The following MID2 variants were observed in gnomAD, a reference collection of about 807,000 sequenced individuals.
MID2 encodes the protein probable E3 ubiquitin-protein ligase MID2.
A neutral mutation model predicts 46.1 loss-of-function variants in MID2; 13 were observed. The observed-to-expected ratio is 0.28, with a 90% CI of 0.18 to 0.45. MID2 has a LOEUF of 0.45. Ranked by LOEUF, MID2 falls within the 20% of genes least tolerant of loss-of-function variation. The pLI, the probability that MID2 is intolerant of heterozygous loss-of-function variation, is 1.00. For synonymous variants in MID2, 199 were observed against 212.3 expected (o/e 0.94, Z 0.55); for missense variants, 431 against 575.4 (o/e 0.75, Z 2.57).
At chrX:107,834,421 C>T (rs1049447757) in intron 1 of MID2, among the ~76,000 whole-genome samples, 9 of 111,850 alleles carry the variant, frequency 8.0e-5, no homozygotes, top group East Asian at 5.6e-4. Context: ...TTCAAGATTA[C>T]CTGTCATTGA....
At chrX:107,866,378 T>C (rs1328954552) in intron 3 of MID2, among the ~76,000 whole-genome samples, 1 of 108,697 alleles carries the variant, frequency 9.2e-6, no homozygotes, top group African/African-American at 3.4e-5. Context: ...GCTTTCGTAC[T>C]CCATTTCTGT....
chrX:107,894,548 T>G (rs1479690643), intron 3 of MID2: 1 of 111,964 alleles, frequency 8.9e-6, no homozygotes, highest in Non-Finnish European at 1.9e-5. Flanking sequence ...GAAAGAGAAA[T>G]TTGTCTCATG....
chrX:107,871,027 C>T (rs1432430544), intron 3 of MID2, among the ~76,000 whole-genome samples: 1 of 110,060 alleles, frequency 9.1e-6, no homozygotes, highest in Non-Finnish European at 1.9e-5. Flanking sequence ...TGTCCTTTTC[C>T]AGTTTCTTAA....
intron 3 of MID2, among the ~76,000 whole-genome samples, chrX:107,867,451 G>A (rs1931982724): frequency 9.1e-6 from 1 of 110,207 alleles, no homozygotes; most frequent in Non-Finnish European, 1.9e-5. Context: ...ATGAGCCACC[G>A]CGCCCGGCCT....
rs1053171486 is a variant in MID2 at position 107,930,151 on chromosome X, A to G, written c.*3078A>G. On this transcript the variant is annotated 3_prime_UTR_variant, in exon 10 of 10. Transcript: ENST00000262843. Reference sequence around the variant, plus strand: ...TACCTGGCACAGTGCTTGGAACATTAGCTTGGCTAATGTTTATTGAATGAA... The same window carrying G: ...TACCTGGCACAGTGCTTGGAACATTGGCTTGGCTAATGTTTATTGAATGAA... Among the ~76,000 whole-genome samples, 2 of 111,788 alleles carry G rather than the reference A, an allele frequency of 1.8e-5. No individual in the cohort carries two copies. Among genetic ancestry groups the G allele is most frequent in the Admixed American group, 9.5e-5 (1 of 10,541 alleles).
chrX:107,882,272 T>C (rs1246362235), intron 3 of MID2, among the ~76,000 whole-genome samples: 1 of 111,898 alleles, frequency 8.9e-6, no homozygotes, highest in African/African-American at 3.2e-5. Flanking sequence ...ACCTAGGCAA[T>C]ACCATTCAGG....
intron 1 of MID2, among the ~76,000 whole-genome samples, chrX:107,830,607 G>A (rs12852580): frequency 0.039 from 4,374 of 111,668 alleles, 90 homozygotes; most frequent in Middle Eastern, 0.18. Flanking sequence ...TGAAATTTTG[G>A]TACCAAGATG....
chrX:107,897,355 A>AT (rs1335763638), intron 3 of MID2, among the ~76,000 whole-genome samples: 1 of 111,182 alleles, frequency 9.0e-6, no homozygotes, highest in East Asian at 2.8e-4. Flanking sequence ...ATGTCTCAGT[A>AT]TTTTTTTTGC....
chrX:107,869,067 C>T (rs1932014743), intron 3 of MID2, among the ~76,000 whole-genome samples: 1 of 109,685 alleles, frequency 9.1e-6, no homozygotes, highest in Non-Finnish European at 1.9e-5. Context: ...TCTCCCCCTC[C>T]TCAAACTTTC....
intron 3 of MID2, among the ~76,000 whole-genome samples, chrX:107,881,109 A>AG (rs1283344860): frequency 1.1e-4 from 12 of 112,907 alleles, no homozygotes; most frequent in Non-Finnish European, 1.9e-4. Context: ...GAAATGTACA[A>AG]GGGGGCAGAT....
At chrX:107,860,187 C>T (rs1931826330) in intron 3 of MID2, among the ~76,000 whole-genome samples, 1 of 110,993 alleles carries the variant, frequency 9.0e-6, no homozygotes, top group South Asian at 3.8e-4. Context: ...GGGATACATT[C>T]AAAACATTTC....
chrX:107,913,407 A>G (rs775823268), intron 5 of MID2, among the ~76,000 whole-genome samples: 1 of 112,118 alleles, frequency 8.9e-6, no homozygotes, highest in Non-Finnish European at 1.9e-5. Flanking sequence ...AATTATTTCC[A>G]TAATAAAAAT....
chrX:107,905,620 C>T lies in MID2; in HGVS notation c.1067C>T (p.Ala356Val), dbSNP rs138552159. The T allele has an allele frequency of 8.4e-6, 10 of 1,192,858 alleles. No individual in the cohort carries two copies. The highest frequency in any genetic ancestry group is 1.1e-5 in the Non-Finnish European group (10 of 887,065). ...ARFLQSAKNI[A>V]ERVAMATASS... ...TTTCTACAGTCTGCAAAAAATATTGCTGAGAGGTCAGTTCCTTATATTCTT... is the reference window on the plus strand; with the variant it reads ...TTTCTACAGTCTGCAAAAAATATTGTTGAGAGGTCAGTTCCTTATATTCTT... Residue 356 changes from alanine (A) to valine (V), a missense_variant, in exon 5 of 10, where the codon GCT (alanine) becomes GTT (valine). Physicochemically the swap from Ala to Val is moderately conservative, Grantham distance 64. Transcript: ENST00000262843.
At chrX:107,866,983 C>T (rs1022611908) in intron 3 of MID2, among the ~76,000 whole-genome samples, 1 of 111,823 alleles carries the variant, frequency 8.9e-6, no homozygotes, top group Non-Finnish European at 1.9e-5. Flanking sequence ...ATGATTTATC[C>T]AAGGGGAGTG....
intron 3 of MID2, among the ~76,000 whole-genome samples, chrX:107,882,719 T>A (rs1325832015): frequency 3.6e-5 from 4 of 110,430 alleles, no homozygotes; most frequent in African/African-American, 1.3e-4. Flanking sequence ...GCTGGAGAGG[T>A]TGTGGAGAAA....
chrX:107,926,866 C>T lies in MID2; in HGVS notation c.2001C>T (p.Phe667=). The part of the protein sequence containing the change: ...LLDYDNNMLS[F]YDPANSLHLH... The stretch of plus-strand genomic sequence containing the variant: ...ATTATGACAACAATATGCTGTCTTT[C>T]TATGACCCAGCTAACTCTCTCCATC... Residue 667 remains phenylalanine (F), a synonymous_variant, in exon 10 of 10, where the codon TTC becomes TTT. Coordinates refer to ENST00000262843, the MANE Select transcript of MID2 (RefSeq NM_012216.4). 1 of 1,210,677 alleles carries T rather than the reference C, an allele frequency of 8.3e-7. No individual in the cohort carries two copies.
rs1933223563 is a variant in MID2, at chrX:107,928,385, G to A, written c.*1312G>A. ...CCTAACCAGTATAGTTGAAGGGAATGGAGCCTTGTAGTCTATGATTTTTTT... is the reference window on the plus strand; with the variant it reads ...CCTAACCAGTATAGTTGAAGGGAATAGAGCCTTGTAGTCTATGATTTTTTT... On this transcript the variant is annotated 3_prime_UTR_variant, in exon 10 of 10. Transcript: ENST00000262843. 9.0e-6 allele frequency among the ~76,000 whole-genome samples: 1 copy of A among 111,492 alleles called. No individual in the cohort carries two copies. Among genetic ancestry groups the A allele is most frequent in the South Asian group, 3.8e-4 (1 of 2,649 alleles).
At chrX:107,869,083 A>G (rs1383172142) in intron 3 of MID2, among the ~76,000 whole-genome samples, 1 of 108,325 alleles carries the variant, frequency 9.2e-6, no homozygotes, top group Non-Finnish European at 1.9e-5. Context: ...CTTTCTTTTC[A>G]TATTTTCGGT....
rs1177202660 is a variant in MID2, at chrX:107,888,227, T to A, written c.817-15731T>A. Among the ~76,000 whole-genome samples, 5 of 112,164 alleles carry A rather than the reference T, an allele frequency of 4.5e-5. No homozygotes were observed. The East Asian group carries it at 1.1e-3, about 25-fold the overall frequency. On this transcript the variant is annotated intron_variant, in intron 3 of 9. Transcript: ENST00000262843. ...CTTAATTGTGATGTTAGGGTGTCAA[T>A]TTCAGATCTTTCCTGCTTTCTCTTG...
Sources: allele counts gnomAD v4.1 joint callset (sites outside exome capture counted in the v4.1 genomes callset), GRCh38; gene constraint gnomAD v4.1.1; transcripts MANE v1.5; gene names NCBI Gene and HGNC (gene_info 2026-07-23, HGNC 2026-07-21).